Variants in KAZN observed in about 807,000 individuals in gnomAD.
The protein encoded by KAZN is kazrin.
In KAZN, 40 loss-of-function variants were observed where a neutral mutation model predicts 87.4. The observed-to-expected ratio is 0.46, with a 90% CI of 0.36 to 0.60. KAZN has a LOEUF of 0.60. KAZN is among the 20% of genes least tolerant of loss of function. The pLI is 0.00. For synonymous variants in KAZN, 466 were observed against 458.3 expected (o/e 1.02, Z -0.22); for missense variants, 898 against 1,073.9 (o/e 0.84, Z 2.29).
chr1:15,048,764 C>G (rs1166177136), intron 4 of KAZN, among the ~76,000 whole-genome samples: 3 of 145,762 alleles, frequency 2.1e-5, no homozygotes, highest in African/African-American at 8.0e-5. Context: ...GATCCTGGGT[C>G]GTCGATCCTG....
chr1:14,579,075 A>G (rs1105058), intron 2 of KAZN, among the ~76,000 whole-genome samples: 142,319 of 152,160 alleles, frequency 0.94, 67,313 homozygotes, highest in East Asian at 1. Context: ...AAGTCAGCAC[A>G]GAAGAGAAAC....
intron 2 of KAZN, among the ~76,000 whole-genome samples, chr1:14,348,051 ATT>A (rs70997137): frequency 6.8e-5 from 8 of 117,874 alleles, no homozygotes; most frequent in Admixed American, 4.0e-4. Context: ...CACCTGGCTA[ATT>A]TTTTTTTTTT....
chr1:14,153,710 G>A (rs770606022), intron 1 of KAZN, among the ~76,000 whole-genome samples: 8 of 151,562 alleles, frequency 5.3e-5, no homozygotes, highest in Non-Finnish European at 7.4e-5. Context: ...CCTGGGAGGC[G>A]GAGGTTGCAG....
At chr1:14,389,394 T>G (rs530118859) in intron 2 of KAZN, among the ~76,000 whole-genome samples, 1 of 152,346 alleles carries the variant, frequency 6.6e-6, no homozygotes, top group East Asian at 1.9e-4. Context: ...CAAAGTGATA[T>G]CTGCACTCCG....
chr1:14,093,980 C>A (rs996206348), intron 1 of KAZN, among the ~76,000 whole-genome samples: 1 of 152,100 alleles, frequency 6.6e-6, no homozygotes, highest in Non-Finnish European at 1.5e-5. Context: ...TAGGACCCTG[C>A]TGGAATGAGA....
intron 2 of KAZN, among the ~76,000 whole-genome samples, chr1:14,514,039 G>C (rs1239711300): frequency 6.6e-6 from 1 of 151,354 alleles, no homozygotes; most frequent in Non-Finnish European, 1.5e-5. Context: ...ATATTTTTTA[G>C]GCCGGGCGTG....
chr1:14,267,226 A>G (rs1359433134), intron 2 of KAZN, among the ~76,000 whole-genome samples: 1 of 152,108 alleles, frequency 6.6e-6, no homozygotes, highest in Non-Finnish European at 1.5e-5. Flanking sequence ...TAGAATTTAC[A>G]TTGTATTAGG....
At chr1:14,669,962 A>G (rs983200693) in intron 1 of KAZN, among the ~76,000 whole-genome samples, 6 of 152,164 alleles carry the variant, frequency 3.9e-5, no homozygotes, top group African/African-American at 1.4e-4. Flanking sequence ...CAAGATTACC[A>G]TTGACTTGAG....
intron 2 of KAZN, among the ~76,000 whole-genome samples, chr1:14,227,471 A>G (rs1647395866): frequency 6.6e-6 from 1 of 152,176 alleles, no homozygotes; most frequent in Non-Finnish European, 1.5e-5. Flanking sequence ...GGTTGCAGAC[A>G]GGACTCACTG....
intron 1 of KAZN, among the ~76,000 whole-genome samples, chr1:14,137,679 T>A (rs1250902979): frequency 6.7e-6 from 1 of 149,790 alleles, no homozygotes; most frequent in Non-Finnish European, 1.5e-5. Context: ...TGGTGGTGAG[T>A]AAGCCTACAA....
At chr1:14,084,465 T>G (rs1399192848) in intron 1 of KAZN, among the ~76,000 whole-genome samples, 1 of 152,142 alleles carries the variant, frequency 6.6e-6, no homozygotes, top group Non-Finnish European at 1.5e-5. Flanking sequence ...CCTGCCCATG[T>G]ATGTGTACAC....
intron 1 of KAZN, among the ~76,000 whole-genome samples, chr1:13,989,948 A>C (rs1639201356): frequency 6.6e-6 from 1 of 152,234 alleles, no homozygotes; most frequent in African/African-American, 2.4e-5. Context: ...CAGATCAAAA[A>C]GCTGGCATCA....
At chr1:14,279,081 G>T (rs746659048) in intron 2 of KAZN, among the ~76,000 whole-genome samples, 4 of 151,850 alleles carry the variant, frequency 2.6e-5, no homozygotes, top group Non-Finnish European at 4.4e-5. Flanking sequence ...TAGACATAAG[G>T]CGTTTCAAAT....
chr1:14,615,050 A>G (rs772033735), intron 1 of KAZN, among the ~76,000 whole-genome samples: 8 of 152,260 alleles, frequency 5.3e-5, no homozygotes, highest in Non-Finnish European at 5.9e-5. Context: ...GCACTTGCCA[A>G]TTCCCCTGTA....
intron 8 of KAZN, among the ~76,000 whole-genome samples, chr1:15,087,583 C>A (rs773453287): frequency 2.0e-5 from 3 of 152,070 alleles, no homozygotes; most frequent in Non-Finnish European, 4.4e-5. Context: ...TTAGTAGAGA[C>A]GGGGTTTCAC....
chr1:14,881,967 C>T (rs1653387506), intron 1 of KAZN, among the ~76,000 whole-genome samples: 1 of 152,172 alleles, frequency 6.6e-6, no homozygotes, highest in Non-Finnish European at 1.5e-5. Context: ...TCTCTCAGGT[C>T]CACTCTAAGC....
intron 2 of KAZN, among the ~76,000 whole-genome samples, chr1:14,239,255 T>A (rs1435804193): frequency 6.6e-6 from 1 of 152,110 alleles, no homozygotes; most frequent in Non-Finnish European, 1.5e-5. Flanking sequence ...AAATTGCAAT[T>A]TTAAATCATT....
intron 1 of KAZN, among the ~76,000 whole-genome samples, chr1:14,709,167 G>C (rs187935623): frequency 1.3e-5 from 2 of 152,168 alleles, no homozygotes; most frequent in Admixed American, 1.3e-4. Context: ...CGAAGCCTTT[G>C]TTATTTCCCC....
intron 2 of KAZN, among the ~76,000 whole-genome samples, chr1:14,280,159 G>A (rs1219735554): frequency 5.3e-5 from 8 of 151,828 alleles, no homozygotes; most frequent in African/African-American, 1.5e-4. Context: ...TCAAGAGATC[G>A]AGACCATCCT....
Sources: gnomAD v4.1 joint callset for allele counts (sites outside exome capture counted in the v4.1 genomes callset) on GRCh38, gnomAD v4.1.1 for gene constraint, MANE v1.5 for transcripts, NCBI Gene and HGNC (gene_info 2026-07-23, HGNC 2026-07-21) for gene names.